NTRK2: variants seen among roughly 807,000 people sequenced by gnomAD.
The protein encoded by NTRK2 is BDNF/NT-3 growth factors receptor.
A neutral mutation model predicts 94.5 loss-of-function variants in NTRK2; 13 were observed. The ratio of observed to expected loss-of-function variants is 0.14; its 90% CI spans 0.09 to 0.22. The LOEUF (loss-of-function observed/expected upper bound fraction) is 0.22, where lower values mean the gene tolerates loss of function less well. NTRK2 is among the 10% of genes least tolerant of loss of function. NTRK2 has a pLI of 1.00. For synonymous variants in NTRK2, 372 were observed against 407.4 expected, an observed-to-expected ratio of 0.91 and a Z score of 1.05; for missense variants, 639 against 1,071.2, an observed-to-expected ratio of 0.60 and a Z score of 5.63.
intron 4 of NTRK2, 95 bp downstream of exon 4, chr9:84,702,514 C>T (rs2060796415): frequency 9.3e-7 from 1 of 1,074,502 alleles, no homozygotes; most frequent in African/African-American, 1.5e-5. Context: ...TTGAAACCTC[C>T]CTTTTTAAAG....
At chr9:84,955,800 T>G (rs1824044091) in intron 17 of NTRK2, among the ~76,000 whole-genome samples, 1 of 152,216 alleles carries the variant, frequency 6.6e-6, no homozygotes, top group African/African-American at 2.4e-5. Context: ...CCTAAATTTC[T>G]TCTTTTAAGG....
At chr9:84,875,702 C>A in intron 14 of NTRK2, 1 of 1,053,956 alleles carries the variant, frequency 9.5e-7, no homozygotes, top group Non-Finnish European at 1.1e-6. Context: ...TTGGTCACTC[C>A]CAGCTTTGCT....
chr9:84,941,939 T>C (rs2078424346), intron 15 of NTRK2, among the ~76,000 whole-genome samples: 1 of 152,212 alleles, frequency 6.6e-6, no homozygotes, highest in Admixed American at 6.5e-5. Flanking sequence ...AGTTGCCTTG[T>C]TAGATCTGAG....
chr9:85,013,781 T>G (rs1340275877), intron 17 of NTRK2, among the ~76,000 whole-genome samples: 1 of 152,230 alleles, frequency 6.6e-6, no homozygotes, highest in Non-Finnish European at 1.5e-5. Context: ...CTCTGACAGC[T>G]AATCATCTCT....
chr9:84,872,855 A>C, intron 14 of NTRK2: 1 of 1,065,226 alleles, frequency 9.4e-7, no homozygotes, highest in Non-Finnish European at 1.1e-6. Context: ...TTTTAACATT[A>C]GCTAAAGCTA....
chr9:84,845,335 A>G lies in NTRK2; in HGVS notation c.1397-15705A>G, dbSNP rs918319444. Among the ~76,000 whole-genome samples the G allele has an allele frequency of 7.2e-5, 11 of 151,838 alleles. 1 individual carries two copies. Among genetic ancestry groups the G allele is most frequent in the African/African-American group, 2.4e-4 (10 of 41,338 alleles). ...TTTGTGGCTATTGCTATTGGCTTCT[A>G]TTTGTTTCTGCCCATTACAGAAAGG... On this transcript the variant is annotated intron_variant, in intron 12 of 18. Coordinates refer to ENST00000277120, the MANE Select transcript of NTRK2 (RefSeq NM_006180.6).
At chr9:84,839,943 A>G (rs2074078978) in intron 12 of NTRK2, among the ~76,000 whole-genome samples, 1 of 152,160 alleles carries the variant, frequency 6.6e-6, no homozygotes, top group East Asian at 1.9e-4. Context: ...CTCTACTTTC[A>G]GAAATACGAT....
At chr9:84,673,641 G>A (rs2058844750) in intron 2 of NTRK2, among the ~76,000 whole-genome samples, 1 of 152,140 alleles carries the variant, frequency 6.6e-6, no homozygotes, top group East Asian at 1.9e-4. Context: ...AACACAAATA[G>A]TGGGACATTA....
chr9:84,750,220 G>T (rs1588352878), intron 11 of NTRK2, among the ~76,000 whole-genome samples: 1 of 152,066 alleles, frequency 6.6e-6, no homozygotes, highest in East Asian at 1.9e-4. Flanking sequence ...CCCCCTCGTT[G>T]TGACAACCCC....
chr9:84,709,971 G>A (rs2131822317), intron 5 of NTRK2, among the ~76,000 whole-genome samples: 2 of 150,078 alleles, frequency 1.3e-5, no homozygotes, highest in Middle Eastern at 3.4e-3. Flanking sequence ...CTGTGTGTGT[G>A]TGTGTGTGTG....
At chr9:84,858,001 T>C (rs1452966892) in intron 12 of NTRK2, among the ~76,000 whole-genome samples, 1 of 152,210 alleles carries the variant, frequency 6.6e-6, no homozygotes, top group Non-Finnish European at 1.5e-5. Flanking sequence ...CTAAGTTCCT[T>C]AGGGACTCTG....
At chr9:84,765,206 T>C (rs888429905) in intron 12 of NTRK2, among the ~76,000 whole-genome samples, 3 of 152,176 alleles carry the variant, frequency 2.0e-5, no homozygotes, top group Admixed American at 1.3e-4. Flanking sequence ...AAGAGTTTAA[T>C]TGGATTGTTT....
chr9:84,921,205 C>CT (rs2077556130), intron 14 of NTRK2, among the ~76,000 whole-genome samples: 1 of 152,186 alleles, frequency 6.6e-6, no homozygotes, highest in Non-Finnish European at 1.5e-5. Flanking sequence ...GAGTAATTCT[C>CT]TTTTTTCTGA....
chr9:84,829,305 T>C (rs1462287213), intron 12 of NTRK2, among the ~76,000 whole-genome samples: 1 of 152,166 alleles, frequency 6.6e-6, no homozygotes, highest in Admixed American at 6.5e-5. Context: ...GGCCCAGAGA[T>C]CAATTTTCAC....
intron 12 of NTRK2, among the ~76,000 whole-genome samples, chr9:84,843,669 C>T (rs554359143): frequency 1.2e-4 from 18 of 152,268 alleles, no homozygotes; most frequent in African/African-American, 3.1e-4. Flanking sequence ...AGTGTTGCAA[C>T]GCCTCAGCCC....
intron 12 of NTRK2, among the ~76,000 whole-genome samples, chr9:84,854,184 A>G (rs2074942395): frequency 6.6e-6 from 1 of 152,110 alleles, no homozygotes; most frequent in Non-Finnish European, 1.5e-5. Context: ...TTGGAGGGTA[A>G]ATGACCCAGC....
intron 14 of NTRK2, among the ~76,000 whole-genome samples, chr9:84,923,662 A>T (rs1256332882): frequency 6.6e-6 from 1 of 152,156 alleles, no homozygotes; most frequent in Non-Finnish European, 1.5e-5. Context: ...CATGCCTGTA[A>T]TTCCAGCATT....
At position 84,775,185 on chromosome 9, in the gene NTRK2, G is replaced by T. The variant is rs543253923; in HGVS notation, c.1396+23100G>T. ...CAAGCCCTAACACCAAGATGTGGGA[G>T]CTGAGAGGTGGCATAGGGCCTGGGC... On this transcript the variant is annotated intron_variant, in intron 12 of 18. Coordinates refer to ENST00000277120, the MANE Select transcript of NTRK2 (RefSeq NM_006180.6). Among the ~76,000 whole-genome samples the T allele has an allele frequency of 3.3e-5, 5 of 152,368 alleles. No individual in the cohort carries two copies. In the South Asian group the frequency reaches 1.0e-3, roughly 32 times the overall value.
intron 12 of NTRK2, among the ~76,000 whole-genome samples, chr9:84,820,999 A>C (rs2072778853): frequency 1.3e-5 from 2 of 152,164 alleles, no homozygotes; most frequent in Admixed American, 6.5e-5. Flanking sequence ...CTAGGCTGCA[A>C]GTTCTGAGCT....
Sources: gnomAD v4.1 joint callset for allele counts (sites outside exome capture counted in the v4.1 genomes callset) on GRCh38, gnomAD v4.1.1 for gene constraint, MANE v1.5 for transcripts, NCBI Gene and HGNC (gene_info 2026-07-23, HGNC 2026-07-21) for gene names.